CHD9: variants seen among roughly 807,000 people sequenced by gnomAD.
The protein encoded by CHD9 is ATP-dependent chromatin remodeler CHD9.
CHD9 carries 77 observed loss-of-function variants against 316.1 expected under a neutral mutation model. The ratio of observed to expected loss-of-function variants is 0.24; its 90% CI spans 0.20 to 0.29. CHD9 has a LOEUF of 0.29. Among genes scored for constraint, CHD9 ranks in the 10% least tolerant of loss-of-function variants. The pLI is 1.00. For missense variants in CHD9, 2,763 were observed against 3,438.1 expected (o/e 0.80, Z 4.91); for synonymous variants, 1,129 against 1,158.3 (o/e 0.97, Z 0.51).
At chr16:53,141,455 G>T (rs746127633) in intron 1 of CHD9, among the ~76,000 whole-genome samples, 8 of 152,188 alleles carry the variant, frequency 5.3e-5, no homozygotes, top group Non-Finnish European at 7.4e-5. Context: ...AAAAATATCT[G>T]TAGCAAAGTT....
At chr16:53,122,338 C>G (rs906950902) in intron 1 of CHD9, among the ~76,000 whole-genome samples, 1 of 152,046 alleles carries the variant, frequency 6.6e-6, no homozygotes, top group African/African-American at 2.4e-5. Flanking sequence ...ATAACAAAGT[C>G]ACAAAACTGG....
At chr16:53,213,967 A>G (rs2046536344) in intron 3 of CHD9, among the ~76,000 whole-genome samples, 1 of 152,186 alleles carries the variant, frequency 6.6e-6, no homozygotes. Context: ...ACTACAAATA[A>G]CTTCTAGTTA....
At chr16:53,073,662 G>A (rs2034287098) in intron 1 of CHD9, among the ~76,000 whole-genome samples, 1 of 152,182 alleles carries the variant, frequency 6.6e-6, no homozygotes, top group Admixed American at 6.5e-5. Flanking sequence ...TCTCGTGGTA[G>A]TGAATAAGTC....
chr16:53,175,972 C>T (rs139644959), intron 2 of CHD9, among the ~76,000 whole-genome samples: 75 of 152,302 alleles, frequency 4.9e-4, no homozygotes, highest in African/African-American at 1.6e-3. Context: ...TACTGTCTGT[C>T]GCCTTAGAAT....
At chr16:53,191,652 A>G (rs961972261) in intron 2 of CHD9, among the ~76,000 whole-genome samples, 1 of 152,170 alleles carries the variant, frequency 6.6e-6, no homozygotes, top group Non-Finnish European at 1.5e-5. Context: ...TAGATACACC[A>G]CAATTTACTC....
intron 21 of CHD9, 129 bp from the exon 22 acceptor site, chr16:53,267,798 C>A: frequency 1.4e-6 from 1 of 705,932 alleles, no homozygotes; most frequent in Non-Finnish European, 2.3e-6. Flanking sequence ...ACATTCTATG[C>A]ATGGGTAGGG....
At chr16:53,316,676 C>G (rs958999474) in intron 36 of CHD9, among the ~76,000 whole-genome samples, 1 of 152,144 alleles carries the variant, frequency 6.6e-6, no homozygotes, top group Non-Finnish European at 1.5e-5. Context: ...ATCTCACACT[C>G]TATTGTAGTA....
chr16:53,102,732 C>T (rs1289948855), intron 1 of CHD9, among the ~76,000 whole-genome samples: 11 of 152,102 alleles, frequency 7.2e-5, no homozygotes, highest in East Asian at 1.9e-4. Flanking sequence ...TGCCTGTAGT[C>T]GTAGCTACTC....
intron 2 of CHD9, among the ~76,000 whole-genome samples, chr16:53,171,855 C>CACAG (rs1555499931): frequency 6.0e-3 from 312 of 51,702 alleles, no homozygotes; most frequent in African/African-American, 0.017. Context: ...CACACACACA[C>CACAG]ACACAGACAC....
intron 20 of CHD9, among the ~76,000 whole-genome samples, chr16:53,263,774 A>G (rs2051375175): frequency 6.6e-6 from 1 of 152,124 alleles, no homozygotes. Context: ...ATCCATAAGT[A>G]TTATTGTTGA....
intron 30 of CHD9, chr16:53,298,278 G>A (rs1133262): frequency 0.28 from 42,188 of 151,712 alleles, 5,960 homozygotes; most frequent in Middle Eastern, 0.32. Flanking sequence ...GCCAAGTTGC[G>A]GACAGTCCAC....
chr16:53,218,855 A>G (rs1246708094), intron 3 of CHD9, among the ~76,000 whole-genome samples: 1 of 152,208 alleles, frequency 6.6e-6, no homozygotes, highest in East Asian at 1.9e-4. Context: ...TTGAAAATAC[A>G]CATTTAAGTT....
intron 32 of CHD9, 134 bp from the exon 33 acceptor site, chr16:53,307,547 A>G (rs2056095532): frequency 1.4e-6 from 1 of 719,692 alleles, no homozygotes; most frequent in East Asian, 2.7e-5. Flanking sequence ...ATATATATAT[A>G]CACGAGAATA....
rs114554857 is a variant in CHD9 at position 53,216,345 on chromosome 16, T to C, written c.1785-6299T>C. Among the ~76,000 whole-genome samples the C allele has an allele frequency of 4.0e-3, 609 of 152,260 alleles. 4 individuals carry two copies. The highest frequency in any genetic ancestry group is 0.014 in the African/African-American group (583 of 41,570). On this transcript the variant is annotated intron_variant, in intron 3 of 38. Coordinates refer to ENST00000447540, the MANE Select transcript of CHD9 (RefSeq NM_001308319.2). Reference sequence around the variant, plus strand: ...CTATCTGTTGTCATTGTATACATAATAGAGATTTCTGATTTTATGAAAGTC... The same window carrying C: ...CTATCTGTTGTCATTGTATACATAACAGAGATTTCTGATTTTATGAAAGTC...
At position 53,070,549 on chromosome 16, in the gene CHD9, CTCTCTT is replaced by C. The variant is rs1428796751; in HGVS notation, c.-165+15476_-165+15481del. ...CCTTCCTTCCTCTCTCTCTCTCTCT[CTCTCTT>C]TCTTTCTGTCTTTCTTTTTTTTGGA... is the stretch of plus-strand genomic sequence containing the variant. On this transcript the variant is annotated intron_variant, in intron 1 of 38. Transcript: ENST00000447540. 3.4e-3 allele frequency among the ~76,000 whole-genome samples: 505 copies of C among 147,160 alleles called. 4 individuals carry two copies. Among genetic ancestry groups the C allele is most frequent in the African/African-American group, 0.011 (457 of 39,752 alleles).
At chr16:53,321,964 C>A (rs1292026175) in intron 38 of CHD9, among the ~76,000 whole-genome samples, 1 of 149,300 alleles carries the variant, frequency 6.7e-6, no homozygotes, top group African/African-American at 2.5e-5. Flanking sequence ...CATTAAGATT[C>A]TGGAAAACTA....
Position 53,245,344 on chromosome 16 carries a change from G to A in CHD9, c.3063G>A (p.Lys1021=), listed in dbSNP as rs1384003907. 5 of 1,533,350 alleles carry A rather than the reference G, an allele frequency of 3.3e-6. No individual in the cohort carries two copies. The highest frequency in any genetic ancestry group is 2.4e-5 in the East Asian group (1 of 42,448). The allele number at this position is 1,533,350 out of a possible 1,614,324, so 95.0% of individuals were successfully genotyped here. A position where few individuals can be genotyped will look rare whatever the true frequency, so the allele number is the denominator to read the frequency against. The change falls in exon 14 of 39, where the codon AAG becomes AAA. Residue 1021 remains lysine, a synonymous_variant. Transcript: ENST00000447540. The surrounding 1 kb of genome is among the most constrained non-coding windows in gnomAD (Gnocchi z 4.1). ...EGLKLMNLEH[K]VLLTGTPLQN... ...GTTCTCACTTTTTGTAGGAACACAA[G>A]GTGCTTTTGACTGGCACCCCTCTCC...
At chr16:53,248,979 T>G (rs974704261) in intron 16 of CHD9, among the ~76,000 whole-genome samples, 1 of 152,194 alleles carries the variant, frequency 6.6e-6, no homozygotes, top group African/African-American at 2.4e-5. Flanking sequence ...CATTTTAAAA[T>G]GTATAGTATT....
chr16:53,181,140 A>G (rs1430444769), intron 2 of CHD9, among the ~76,000 whole-genome samples: 1 of 151,584 alleles, frequency 6.6e-6, no homozygotes, highest in Non-Finnish European at 1.5e-5. Flanking sequence ...CCTCCCGAGT[A>G]GCTGGGATTA....
Sources: allele counts gnomAD v4.1 joint callset (sites outside exome capture counted in the v4.1 genomes callset), GRCh38; gene constraint gnomAD v4.1.1; non-coding constraint Gnocchi (gnomAD v3.1); transcripts MANE v1.5; gene names NCBI Gene and HGNC (gene_info 2026-07-23, HGNC 2026-07-21).